Variants in WNT7A observed in about 807,000 individuals in gnomAD.
WNT7A encodes the protein protein Wnt-7a.
WNT7A carries 16 observed loss-of-function variants against 28.2 expected under a neutral mutation model. That is an observed-to-expected ratio of 0.57 (90% CI 0.38 to 0.86). The LOEUF (loss-of-function observed/expected upper bound fraction) is 0.86. WNT7A is among the 40% of genes least tolerant of loss of function. WNT7A has a pLI of 0.00. For missense variants in WNT7A, 411 were observed against 489.7 expected (o/e 0.84, Z 1.52); for synonymous variants, 190 against 195.9 (o/e 0.97, Z 0.25).
intron 2 of WNT7A, among the ~76,000 whole-genome samples, chr3:13,864,163 C>G (rs959959727): frequency 6.6e-6 from 1 of 152,060 alleles, no homozygotes; most frequent in Non-Finnish European, 1.5e-5. Flanking sequence ...ATTTCTTTGC[C>G]GATGATAATG....
chr3:13,828,126 A>G (rs1694226939), intron 3 of WNT7A, among the ~76,000 whole-genome samples: 1 of 152,162 alleles, frequency 6.6e-6, no homozygotes, highest in Non-Finnish European at 1.5e-5. Context: ...ATTGCTAAGG[A>G]TGGGTGACTC....
chr3:13,834,041 TGGTGGCCCTGA>T (rs1694325166), intron 3 of WNT7A, among the ~76,000 whole-genome samples: 1 of 152,176 alleles, frequency 6.6e-6, no homozygotes, highest in African/African-American at 2.4e-5. Flanking sequence ...CTTCCACCAA[TGGTGGCCCTGA>T]AGGAAAGCGC....
chr3:13,860,054 T>TG (rs749339244), intron 2 of WNT7A, among the ~76,000 whole-genome samples: 40 of 151,798 alleles, frequency 2.6e-4, no homozygotes, highest in Non-Finnish European at 4.9e-4. Context: ...GCCAGACACT[T>TG]GGGTTTTTTT....
At chr3:13,843,393 T>C (rs1023509162) in intron 3 of WNT7A, among the ~76,000 whole-genome samples, 1 of 152,154 alleles carries the variant, frequency 6.6e-6, no homozygotes, top group African/African-American at 2.4e-5. Flanking sequence ...TGCCTTTTTT[T>C]CAATGAGGAA....
intron 3 of WNT7A, among the ~76,000 whole-genome samples, chr3:13,849,422 G>A (rs1694593496): frequency 6.6e-6 from 1 of 152,178 alleles, no homozygotes; most frequent in East Asian, 1.9e-4. Flanking sequence ...CTAAGTGGGA[G>A]TCCTGTATTA....
intron 3 of WNT7A, among the ~76,000 whole-genome samples, chr3:13,850,543 C>G (rs141058633): frequency 2.0e-4 from 31 of 152,246 alleles, no homozygotes; most frequent in African/African-American, 7.5e-4. Flanking sequence ...GAATTCCATC[C>G]CCCTGAGCTC....
At chr3:13,846,853 C>T (rs957427463) in intron 3 of WNT7A, among the ~76,000 whole-genome samples, 10 of 152,170 alleles carry the variant, frequency 6.6e-5, no homozygotes, top group Non-Finnish European at 7.4e-5. Flanking sequence ...GGGTGTTCAG[C>T]GCCTCCTCAG....
At chr3:13,853,660 G>A (rs1694677631) in intron 3 of WNT7A, among the ~76,000 whole-genome samples, 1 of 152,216 alleles carries the variant, frequency 6.6e-6, no homozygotes, top group Non-Finnish European at 1.5e-5. Flanking sequence ...CGGGCTCATG[G>A]CAGTATGACA....
intron 2 of WNT7A, among the ~76,000 whole-genome samples, chr3:13,864,333 A>C (rs1694878085): frequency 6.6e-6 from 1 of 151,890 alleles, no homozygotes; most frequent in African/African-American, 2.4e-5. Flanking sequence ...CTCTTTCCCC[A>C]GCCTCTTCTA....
At chr3:13,849,642 A>C (rs908183361) in intron 3 of WNT7A, among the ~76,000 whole-genome samples, 2 of 152,194 alleles carry the variant, frequency 1.3e-5, no homozygotes, top group Non-Finnish European at 2.9e-5. Flanking sequence ...TGTGCAAATG[A>C]GATCATTCTG....
intron 3 of WNT7A, among the ~76,000 whole-genome samples, chr3:13,828,828 G>A (rs774436638): frequency 2.6e-5 from 4 of 152,180 alleles, no homozygotes; most frequent in Non-Finnish European, 4.4e-5. Flanking sequence ...CAGTCTCCAC[G>A]AAAGTATGAT....
At chr3:13,860,895 G>A (rs926480694) in intron 2 of WNT7A, among the ~76,000 whole-genome samples, 1 of 152,174 alleles carries the variant, frequency 6.6e-6, no homozygotes, top group Non-Finnish European at 1.5e-5. Context: ...ATGACATATA[G>A]TACATAAAAA....
intron 3 of WNT7A, among the ~76,000 whole-genome samples, chr3:13,831,728 C>T (rs1013845167): frequency 1.3e-5 from 2 of 152,122 alleles, no homozygotes; most frequent in African/African-American, 4.8e-5. Context: ...GTGCTGGGTA[C>T]AAAGGCCCAT....
At chr3:13,854,190 G>A (rs1367144153) in intron 3 of WNT7A, among the ~76,000 whole-genome samples, 1 of 151,910 alleles carries the variant, frequency 6.6e-6, no homozygotes, top group Non-Finnish European at 1.5e-5. Context: ...GGGAGGGAGG[G>A]AGAGAAAAAA....
chr3:13,818,623 T>A lies in WNT7A; in HGVS notation c.*321A>T. The A allele has an allele frequency of 5.7e-6, 1 of 174,540 alleles. No individual in the cohort carries two copies. The highest frequency in any genetic ancestry group is 6.2e-5 in the Admixed American group (1 of 16,024). 10.8% of individuals were successfully genotyped at this position (174,540 alleles called of 1,614,324 possible). On this transcript the variant is annotated 3_prime_UTR_variant, in exon 4 of 4. Transcript: ENST00000285018. ...TTTTAATTAAATAAATTAATATTAT[T>A]TTTATCAGAATAAATTGTTAAATAT...
intron 3 of WNT7A, among the ~76,000 whole-genome samples, chr3:13,849,342 A>T (rs1260015206): frequency 6.6e-6 from 1 of 152,216 alleles, no homozygotes; most frequent in Non-Finnish European, 1.5e-5. Flanking sequence ...TTTGAGATAC[A>T]TGGCGAATCA....
At chr3:13,834,784 T>G (rs572021253) in intron 3 of WNT7A, among the ~76,000 whole-genome samples, 1 of 152,172 alleles carries the variant, frequency 6.6e-6, no homozygotes, top group South Asian at 2.1e-4. Context: ...CTGCCCCGGC[T>G]TGTTTTGCTC....
chr3:13,873,431 C>T (rs1379466799), intron 2 of WNT7A, among the ~76,000 whole-genome samples: 1 of 152,136 alleles, frequency 6.6e-6, no homozygotes, highest in East Asian at 1.9e-4. Flanking sequence ...AGACCTGGCC[C>T]TCACTGGGAT....
intron 3 of WNT7A, among the ~76,000 whole-genome samples, chr3:13,822,290 C>T (rs1694123475): frequency 6.6e-6 from 1 of 152,214 alleles, no homozygotes; most frequent in Non-Finnish European, 1.5e-5. Context: ...CTCATAGCAG[C>T]ATTATTCATA....
Sources: gnomAD v4.1 joint callset for allele counts (sites outside exome capture counted in the v4.1 genomes callset) on GRCh38, gnomAD v4.1.1 for gene constraint, MANE v1.5 for transcripts, NCBI Gene and HGNC (gene_info 2026-07-23, HGNC 2026-07-21) for gene names.